The following SGCZ variants were observed in gnomAD, a reference collection of about 807,000 sequenced individuals.
The protein encoded by SGCZ is sarcoglycan zeta, also known as zeta-sarcoglycan.
In SGCZ, 40 loss-of-function variants were observed where a neutral mutation model predicts 41.3. The ratio of observed to expected loss-of-function variants is 0.97; its 90% CI spans 0.75 to 1.26. The LOEUF (loss-of-function observed/expected upper bound fraction) is 1.26, where lower values mean the gene tolerates loss of function less well. Ranked by LOEUF, SGCZ falls within the 50% of genes most tolerant of loss-of-function variation. The probability of loss-of-function intolerance (pLI) is 0.00; values close to 1 mark genes in which losing one functional copy is unlikely to be tolerated. For missense variants in SGCZ, 552 were observed against 369.8 expected (o/e 1.49, Z -4.04); for synonymous variants, 206 against 137.5 (o/e 1.50, Z -3.49).
At chr8:15,070,911 C>T (rs528345174) in intron 1 of SGCZ, among the ~76,000 whole-genome samples, 6 of 152,170 alleles carry the variant, frequency 3.9e-5, no homozygotes, top group African/African-American at 1.2e-4. Context: ...AGTCCTCAGA[C>T]AATTTATTAG....
At chr8:14,386,406 T>A (rs1804579833) in intron 2 of SGCZ, among the ~76,000 whole-genome samples, 1 of 152,078 alleles carries the variant, frequency 6.6e-6, no homozygotes, top group South Asian at 2.1e-4. Context: ...TCCAAAAAGC[T>A]CTGAAGTTCT....
chr8:14,179,560 T>A (rs1804656671), intron 4 of SGCZ, among the ~76,000 whole-genome samples: 1 of 152,160 alleles, frequency 6.6e-6, no homozygotes, highest in African/African-American at 2.4e-5. Context: ...ATATTAATGA[T>A]AACATGCTAA....
chr8:14,211,630 C>T (rs546830136), intron 4 of SGCZ, among the ~76,000 whole-genome samples: 4 of 151,314 alleles, frequency 2.6e-5, no homozygotes, highest in South Asian at 4.2e-4. Flanking sequence ...CAGGGAAGCA[C>T]GTCTTACCAC....
intron 2 of SGCZ, among the ~76,000 whole-genome samples, chr8:14,401,915 G>C (rs1475993647): frequency 6.6e-6 from 1 of 150,660 alleles, no homozygotes; most frequent in Non-Finnish European, 1.5e-5. Context: ...CAGTGTAAAA[G>C]TGTTCCTATT....
chr8:14,217,628 G>GTTTT (rs1168241820), intron 4 of SGCZ, among the ~76,000 whole-genome samples: 25 of 100,810 alleles, frequency 2.5e-4, no homozygotes, highest in South Asian at 6.7e-4. Flanking sequence ...TTCAACTAAA[G>GTTTT]TTTTTTTTTT....
At chr8:14,102,938 G>C (rs1056579540) in intron 6 of SGCZ, among the ~76,000 whole-genome samples, 4 of 152,086 alleles carry the variant, frequency 2.6e-5, no homozygotes, top group African/African-American at 9.7e-5. Context: ...CCTCAATAAA[G>C]AGTCCCTGTC....
intron 1 of SGCZ, among the ~76,000 whole-genome samples, chr8:15,221,194 C>T (rs1471859471): frequency 6.6e-6 from 1 of 152,082 alleles, no homozygotes; most frequent in Admixed American, 6.6e-5. Context: ...ATTACATTTA[C>T]TCTAAGAAGT....
chr8:14,988,708 A>T (rs1228439289), intron 1 of SGCZ, among the ~76,000 whole-genome samples: 1 of 152,178 alleles, frequency 6.6e-6, no homozygotes, highest in Non-Finnish European at 1.5e-5. Context: ...TTGTCAATAC[A>T]TCTTAATAGA....
At chr8:14,476,688 A>G (rs67293780) in intron 2 of SGCZ, among the ~76,000 whole-genome samples, 24,774 of 152,140 alleles carry the variant, frequency 0.16, 2,501 homozygotes, top group African/African-American at 0.29. Context: ...ATGCTAATAC[A>G]CTGATTCTTA....
chr8:14,601,839 T>G (rs1805597918), intron 1 of SGCZ, among the ~76,000 whole-genome samples: 1 of 152,238 alleles, frequency 6.6e-6, no homozygotes, highest in South Asian at 2.1e-4. Context: ...TATGATGTGG[T>G]GCCGGGCGCG....
At chr8:14,107,114 G>T (rs1406672662) in intron 6 of SGCZ, among the ~76,000 whole-genome samples, 1 of 151,984 alleles carries the variant, frequency 6.6e-6, no homozygotes, top group Non-Finnish European at 1.5e-5. Context: ...TACTCGAGAG[G>T]CTGAGGCAGG....
At chr8:14,559,034 G>A (rs867174809) in intron 1 of SGCZ, among the ~76,000 whole-genome samples, 17 of 151,990 alleles carry the variant, frequency 1.1e-4, no homozygotes, top group South Asian at 2.1e-4. Context: ...CAGTGAATGC[G>A]GAAAAGTTGA....
intron 1 of SGCZ, among the ~76,000 whole-genome samples, chr8:14,709,328 G>A (rs1239094912): frequency 1.3e-5 from 2 of 152,086 alleles, no homozygotes; most frequent in Non-Finnish European, 2.9e-5. Context: ...CCCAGAGAAA[G>A]CTACATGCCC....
At chr8:14,728,429 C>A (rs1810130399) in intron 1 of SGCZ, among the ~76,000 whole-genome samples, 1 of 142,700 alleles carries the variant, frequency 7.0e-6, no homozygotes. Context: ...CAGTAAAAAG[C>A]AAACAAAAAT....
At chr8:14,638,201 T>C (rs889226149) in intron 1 of SGCZ, among the ~76,000 whole-genome samples, 4 of 151,842 alleles carry the variant, frequency 2.6e-5, no homozygotes, top group African/African-American at 9.7e-5. Flanking sequence ...TGTTCCCAAC[T>C]TTTTTCAGTT....
At chr8:14,199,925 G>T (rs951715377) in intron 4 of SGCZ, among the ~76,000 whole-genome samples, 1 of 152,130 alleles carries the variant, frequency 6.6e-6, no homozygotes, top group South Asian at 2.1e-4. Flanking sequence ...TACTAGTTTT[G>T]CTGTTGTAAC....
intron 1 of SGCZ, among the ~76,000 whole-genome samples, chr8:14,710,502 C>G (rs1164511095): frequency 6.6e-6 from 1 of 151,772 alleles, no homozygotes; most frequent in South Asian, 2.1e-4. Flanking sequence ...GATCCTTGGC[C>G]TATGATTAAT....
At chr8:15,097,249 T>TA (rs1806382966) in intron 1 of SGCZ, among the ~76,000 whole-genome samples, 1 of 152,226 alleles carries the variant, frequency 6.6e-6, no homozygotes. Flanking sequence ...CACATACTTG[T>TA]AATATTTACT....
At chr8:14,289,149 T>C (rs901779201) in intron 3 of SGCZ, among the ~76,000 whole-genome samples, 5 of 152,098 alleles carry the variant, frequency 3.3e-5, no homozygotes, top group Non-Finnish European at 5.9e-5. Context: ...TTACAGGGAT[T>C]CTTTAATTAT....
Sources: allele counts gnomAD v4.1 joint callset (sites outside exome capture counted in the v4.1 genomes callset), GRCh38; gene constraint gnomAD v4.1.1; transcripts MANE v1.5; gene names NCBI Gene and HGNC (gene_info 2026-07-23, HGNC 2026-07-21).